The following RGS6 variants were observed in gnomAD, a reference collection of about 807,000 sequenced individuals.
RGS6 encodes the protein regulator of G-protein signaling 6.
RGS6 carries 30 observed loss-of-function variants against 78.5 expected under a neutral mutation model. The ratio of observed to expected loss-of-function variants is 0.38; its 90% CI spans 0.29 to 0.52. The LOEUF (loss-of-function observed/expected upper bound fraction) is 0.52. RGS6 is among the 20% of genes least tolerant of loss of function. RGS6 has a pLI of 0.85. For missense variants in RGS6, 495 were observed against 609.7 expected, an observed-to-expected ratio of 0.81 and a Z score of 1.98; for synonymous variants, 206 against 206.0, an observed-to-expected ratio of 1.00 and a Z score of 0.00.
intron 2 of RGS6, among the ~76,000 whole-genome samples, chr14:72,064,600 CCACTGAATCT>C (rs2153442510): frequency 6.6e-6 from 1 of 152,296 alleles, no homozygotes; most frequent in South Asian, 2.1e-4. Flanking sequence ...TTGTTAGATT[CCACTGAATCT>C]CACTGCTTTG....
chr14:72,376,389 G>A (rs1203952796), intron 3 of RGS6, among the ~76,000 whole-genome samples: 1 of 152,218 alleles, frequency 6.6e-6, no homozygotes, highest in Non-Finnish European at 1.5e-5. Flanking sequence ...TATTTGCATT[G>A]TGGACATTCT....
chr14:72,336,116 C>T (rs2075977247), intron 2 of RGS6, among the ~76,000 whole-genome samples: 2 of 152,180 alleles, frequency 1.3e-5, no homozygotes, highest in South Asian at 4.1e-4. Context: ...GACTTAATTG[C>T]AAAGTATCTT....
intron 3 of RGS6, among the ~76,000 whole-genome samples, chr14:72,445,169 G>A (rs1270538225): frequency 2.0e-5 from 3 of 152,218 alleles, no homozygotes; most frequent in Non-Finnish European, 4.4e-5. Context: ...GTAGTAATTT[G>A]TTGAGATTTC....
At chr14:72,314,443 C>T (rs2069509990) in intron 2 of RGS6, among the ~76,000 whole-genome samples, 4 of 152,222 alleles carry the variant, frequency 2.6e-5, no homozygotes. Flanking sequence ...CACTGGCTTA[C>T]AGACTTCTAC....
chr14:72,590,338 T>C, the RGS6 span, among the ~76,000 whole-genome samples: 24 of 152,342 alleles, frequency 1.6e-4, no homozygotes, highest in African/African-American at 5.5e-4. Context: ...TGAATATGAA[T>C]AGGCATCACA....
intron 2 of RGS6, among the ~76,000 whole-genome samples, chr14:72,057,468 T>C (rs1304780250): frequency 6.6e-6 from 1 of 152,076 alleles, no homozygotes; most frequent in Non-Finnish European, 1.5e-5. Flanking sequence ...ACTCTTCCCA[T>C]CTGGGTATTT....
chr14:71,976,672 T>G (rs1324933052), intron 2 of RGS6, among the ~76,000 whole-genome samples: 1 of 152,216 alleles, frequency 6.6e-6, no homozygotes, highest in Admixed American at 6.5e-5. Context: ...TGTTGGACAT[T>G]TGAGTTGGTT....
chr14:72,290,823 C>G (rs1245727495), intron 2 of RGS6, among the ~76,000 whole-genome samples: 1 of 152,198 alleles, frequency 6.6e-6, no homozygotes, highest in Non-Finnish European at 1.5e-5. Context: ...CCCTTCATGG[C>G]TGGGTTGAAT....
chr14:71,941,669 C>G (rs993268936), intron 1 of RGS6, among the ~76,000 whole-genome samples: 1 of 152,020 alleles, frequency 6.6e-6, no homozygotes, highest in African/African-American at 2.4e-5. Context: ...AGGCTAGGCT[C>G]CTCTCTCCTT....
chr14:72,063,038 G>A (rs2093969348), intron 2 of RGS6, among the ~76,000 whole-genome samples: 2 of 152,162 alleles, frequency 1.3e-5, no homozygotes, highest in African/African-American at 2.4e-5. Context: ...TGGCCAGGCT[G>A]ATCCCGAACT....
At chr14:72,315,415 A>G (rs899564344) in intron 2 of RGS6, among the ~76,000 whole-genome samples, 2 of 152,244 alleles carry the variant, frequency 1.3e-5, no homozygotes, top group African/African-American at 4.8e-5. Flanking sequence ...GGAAGTATAT[A>G]GCACCTGCTA....
At chr14:72,459,740 G>C in intron 6 of RGS6, 57 bp downstream of exon 6, 1 of 1,556,434 alleles carries the variant, frequency 6.4e-7, no homozygotes, top group Non-Finnish European at 8.9e-7. Flanking sequence ...CACTTCTGGG[G>C]GTGCAGAAGA....
chr14:72,052,983 T>C (rs201065393), intron 2 of RGS6, among the ~76,000 whole-genome samples: 2 of 85,580 alleles, frequency 2.3e-5, no homozygotes, highest in Non-Finnish European at 4.3e-5. Flanking sequence ...CTTTCTTTCT[T>C]TCTCTCTCTC....
intron 3 of RGS6, among the ~76,000 whole-genome samples, chr14:72,425,485 C>T (rs931244203): frequency 6.6e-6 from 1 of 152,156 alleles, no homozygotes; most frequent in Non-Finnish European, 1.5e-5. Context: ...ACTGTTACAT[C>T]CTTAATACTT....
intron 2 of RGS6, among the ~76,000 whole-genome samples, chr14:72,273,382 A>AT (rs1271165159): frequency 1.3e-5 from 2 of 151,758 alleles, no homozygotes; most frequent in Non-Finnish European, 1.5e-5. Context: ...CTCTTCTTTC[A>AT]TTTTTTTCCC....
At chr14:72,467,475 CCCAAGCCTACCAAGCCTA>C (rs145818863) in intron 7 of RGS6, among the ~76,000 whole-genome samples, 2 of 152,170 alleles carry the variant, frequency 1.3e-5, no homozygotes, top group Admixed American at 6.5e-5. Flanking sequence ...GGTTCATGTT[CCCAAGCCTACCAAGCCTA>C]CCAAGCCTAC....
chr14:72,364,539 C>T (rs2082108561), intron 3 of RGS6, among the ~76,000 whole-genome samples: 1 of 152,230 alleles, frequency 6.6e-6, no homozygotes, highest in Non-Finnish European at 1.5e-5. Context: ...GATACTCCAA[C>T]ATTGGAGCTT....
chr14:72,067,942 G>GC (rs1388992535), intron 2 of RGS6, among the ~76,000 whole-genome samples: 1 of 152,082 alleles, frequency 6.6e-6, no homozygotes, highest in African/African-American at 2.4e-5. Context: ...ATCACAATCT[G>GC]CATTTTAATA....
chr14:72,116,657 T>C (rs966369100), intron 2 of RGS6, among the ~76,000 whole-genome samples: 2 of 152,008 alleles, frequency 1.3e-5, no homozygotes, highest in Admixed American at 1.3e-4. Flanking sequence ...CAGATGCTAA[T>C]AGGTGCTCTT....
Sources: gnomAD v4.1 joint callset for allele counts (sites outside exome capture counted in the v4.1 genomes callset) on GRCh38, gnomAD v4.1.1 for gene constraint, MANE v1.5 for transcripts, NCBI Gene and HGNC (gene_info 2026-07-23, HGNC 2026-07-21) for gene names.